NINJ2: variants seen among roughly 807,000 people sequenced by gnomAD.
NINJ2 encodes the protein ninjurin-2.
In NINJ2, 12 loss-of-function variants were observed where a neutral mutation model predicts 11.7. The ratio of observed to expected loss-of-function variants is 1.02; its 90% CI spans 0.66 to 1.66. The LOEUF (loss-of-function observed/expected upper bound fraction) is 1.66, where lower values mean the gene tolerates loss of function less well. Among genes scored for constraint, NINJ2 ranks in the 40% most tolerant of loss-of-function variants. The pLI, the probability that NINJ2 is intolerant of heterozygous loss-of-function variation, is 0.00. For synonymous variants in NINJ2, 93 were observed against 76.8 expected (o/e 1.21, Z -1.10); for missense variants, 187 against 181.8 (o/e 1.03, Z -0.16).
chr12:591,792 T>C lies in NINJ2; in HGVS notation c.34-25614A>G, dbSNP rs1193259154. ...GAGCTGGCTGCAAGGGCCAAGGGTGTTTCTTTAGAGATATTTCTCAGGTTC... is the reference window on the plus strand; with the variant it reads ...GAGCTGGCTGCAAGGGCCAAGGGTGCTTCTTTAGAGATATTTCTCAGGTTC... On this transcript the variant is annotated intron_variant, in intron 1 of 3. Coordinates refer to ENST00000305108, the MANE Select transcript of NINJ2 (RefSeq NM_016533.6). This position sits in a 1 kb window ranked among gnomAD's most constrained non-coding sequence, Gnocchi z 5.0. 6.6e-6 allele frequency among the ~76,000 whole-genome samples: 1 copy of C among 152,148 alleles called. No individual in the cohort carries two copies. The highest frequency in any genetic ancestry group is 1.5e-5 in the Non-Finnish European group (1 of 68,016).
At chr12:643,325 G>T in intron 1 of NINJ2, 1 of 592,932 alleles carries the variant, frequency 1.7e-6, no homozygotes, top group Non-Finnish European at 2.1e-6. Flanking sequence ...TCGCAGCCTC[G>T]CAGCCCCGCG....
chr12:569,221 G>A (rs1044906524), intron 1 of NINJ2, among the ~76,000 whole-genome samples: 1 of 152,196 alleles, frequency 6.6e-6, no homozygotes, highest in African/African-American at 2.4e-5. Flanking sequence ...CTTGTCTAGG[G>A]CCAGCTGGCA....
chr12:631,892 C>T lies in NINJ2; in HGVS notation c.33+31436G>A, dbSNP rs187121847. On this transcript the variant is annotated intron_variant, in intron 1 of 3. Transcript: ENST00000305108. ...AACAGAGTAGAACTCCAGATTTCTG[C>T]AATGCTCCTTAGGGGCTGAGCTTCC... Among the ~76,000 whole-genome samples the T allele has an allele frequency of 8.9e-4, 135 of 152,274 alleles. 1 individual carries two copies. In the South Asian group the frequency reaches 0.018, roughly 20 times the overall value.
At chr12:565,180 G>C (rs1441075242) in intron 3 of NINJ2, 37 bp downstream of exon 3, 11 of 1,537,362 alleles carry the variant, frequency 7.2e-6, no homozygotes, top group Non-Finnish European at 9.7e-6. Flanking sequence ...GCCACCTGGG[G>C]AGTCCCTGGA....
At chr12:651,947 T>C (rs756493601) in intron 1 of NINJ2, among the ~76,000 whole-genome samples, 10 of 152,102 alleles carry the variant, frequency 6.6e-5, no homozygotes, top group Non-Finnish European at 1.2e-4. Flanking sequence ...ATTCAAGAAC[T>C]GTGGGACAAC....
At chr12:620,119 A>G (rs1470990610) in intron 1 of NINJ2, among the ~76,000 whole-genome samples, 2 of 152,272 alleles carry the variant, frequency 1.3e-5, no homozygotes, top group Non-Finnish European at 2.9e-5. Flanking sequence ...CCCTTTGGAC[A>G]CCTCCTAGTG....
rs1947543382 is a variant in NINJ2, at chr12:580,979, TC to T, written c.34-14802del. ...ATGTGTGTTTGTGTGTATGTGTGTG[TC>T]CATGTCTCTGTGCATATGTCTGTGT... On this transcript the variant is annotated intron_variant, in intron 1 of 3. Transcript: ENST00000305108. The surrounding 1 kb of genome is among the most constrained non-coding windows in gnomAD (Gnocchi z 4.7). Among the ~76,000 whole-genome samples, 1 of 151,922 alleles carries T rather than the reference TC, an allele frequency of 6.6e-6. No individual in the cohort carries two copies. Among genetic ancestry groups the T allele is most frequent in the Non-Finnish European group, 1.5e-5 (1 of 67,962 alleles).
chr12:590,525 C>T (rs1947703877), intron 1 of NINJ2: 1 of 152,272 alleles, frequency 6.6e-6, no homozygotes, highest in South Asian at 2.1e-4. Flanking sequence ...GAACAACTTT[C>T]CAGGAACGTG....
chr12:583,631 G>C (rs1271630215), intron 1 of NINJ2, among the ~76,000 whole-genome samples: 1 of 152,242 alleles, frequency 6.6e-6, no homozygotes, highest in East Asian at 1.9e-4. Flanking sequence ...GGGATACCAG[G>C]ACAGCTTGGG....
intron 1 of NINJ2, among the ~76,000 whole-genome samples, chr12:575,466 A>G (rs1947442484): frequency 1.3e-5 from 2 of 151,958 alleles, no homozygotes; most frequent in African/African-American, 4.8e-5. Flanking sequence ...TTCTTTCTTC[A>G]CCATGCTCCC....
At chr12:598,525 T>C (rs550066860) in intron 1 of NINJ2, among the ~76,000 whole-genome samples, 3 of 152,276 alleles carry the variant, frequency 2.0e-5, no homozygotes, top group East Asian at 3.9e-4. Context: ...CAGCTTGGGC[T>C]GTGAGAAATG....
At chr12:624,401 C>A (rs989224196) in intron 1 of NINJ2, among the ~76,000 whole-genome samples, 45 of 152,122 alleles carry the variant, frequency 3.0e-4, no homozygotes, top group African/African-American at 1.1e-3. Flanking sequence ...AAAGATATAC[C>A]AGGATACTGG....
chr12:577,675 T>C (rs1947488252), intron 1 of NINJ2, among the ~76,000 whole-genome samples: 1 of 151,762 alleles, frequency 6.6e-6, no homozygotes, highest in Non-Finnish European at 1.5e-5. Flanking sequence ...TGTGTGCTCC[T>C]TGAAGTAGCA....
At chr12:567,472 T>C (rs1214384603) in intron 1 of NINJ2, among the ~76,000 whole-genome samples, 1 of 152,190 alleles carries the variant, frequency 6.6e-6, no homozygotes, top group East Asian at 1.9e-4. Flanking sequence ...AAAATAAAGC[T>C]TCATGGATGA....
At position 580,954 on chromosome 12, in the gene NINJ2, ATG is replaced by A. The variant is rs906500872; in HGVS notation, c.34-14778_34-14777del. On this transcript the variant is annotated intron_variant, in intron 1 of 3. Coordinates refer to ENST00000305108, the MANE Select transcript of NINJ2 (RefSeq NM_016533.6). This position sits in a 1 kb window ranked among gnomAD's most constrained non-coding sequence, Gnocchi z 4.7. Reference sequence around the variant, plus strand: ...TGTGCCTGTGTGTCTGTGTGTATTCATGTGTGTTTGTGTGTATGTGTGTGTCC... The same window carrying A: ...TGTGCCTGTGTGTCTGTGTGTATTCATGTGTTTGTGTGTATGTGTGTGTCC... Among the ~76,000 whole-genome samples, 2 of 143,894 alleles carry A rather than the reference ATG, an allele frequency of 1.4e-5. No homozygotes were observed. The highest frequency in any genetic ancestry group is 1.4e-4 in the Admixed American group (2 of 14,534). 94.4% of individuals were successfully genotyped at this position (143,894 alleles called of 152,430 possible).
chr12:597,888 G>A (rs1947810621), intron 1 of NINJ2, among the ~76,000 whole-genome samples: 1 of 152,278 alleles, frequency 6.6e-6, no homozygotes, highest in Non-Finnish European at 1.5e-5. Context: ...ACAGGCCAGA[G>A]GGCCCAGAGG....
chr12:615,622 CCCAGCT>C (rs1200117408), intron 1 of NINJ2, among the ~76,000 whole-genome samples: 5 of 152,170 alleles, frequency 3.3e-5, no homozygotes, highest in African/African-American at 1.2e-4. Flanking sequence ...CCCTTCAAAG[CCCAGCT>C]CCACTGCCAC....
At chr12:661,857 T>G (rs1470719993) in intron 1 of NINJ2, among the ~76,000 whole-genome samples, 3 of 152,168 alleles carry the variant, frequency 2.0e-5, no homozygotes, top group Non-Finnish European at 2.9e-5. Context: ...ACTCATTCAT[T>G]TAACAAATGT....
intron 1 of NINJ2, among the ~76,000 whole-genome samples, chr12:595,688 G>A (rs1947775810): frequency 6.6e-6 from 1 of 152,152 alleles, no homozygotes; most frequent in Admixed American, 6.5e-5. Context: ...GGGAGGCGGA[G>A]GTTGCGGTGA....
Sources: allele counts gnomAD v4.1 joint callset (sites outside exome capture counted in the v4.1 genomes callset), GRCh38; gene constraint gnomAD v4.1.1; non-coding constraint Gnocchi (gnomAD v3.1); transcripts MANE v1.5; gene names NCBI Gene and HGNC (gene_info 2026-07-23, HGNC 2026-07-21).